Variants in KLRF1 observed in about 807,000 individuals in gnomAD.
KLRF1 encodes the protein killer cell lectin like receptor F1, also known as killer cell lectin-like receptor subfamily F member 1.
A neutral mutation model predicts 30.7 loss-of-function variants in KLRF1; 27 were observed. That is an observed-to-expected ratio of 0.88 (90% confidence interval 0.65 to 1.21). The LOEUF is 1.21. KLRF1 is among the 50% of genes most tolerant of loss of function. The probability of loss-of-function intolerance (pLI) is 0.00; values close to 1 mark genes in which losing one functional copy is unlikely to be tolerated. For synonymous variants in KLRF1, 92 were observed against 89.3 expected (o/e 1.03, Z -0.17); for missense variants, 246 against 259.3 (o/e 0.95, Z 0.35).
intron 1 of KLRF1, among the ~76,000 whole-genome samples, chr12:9,828,292 G>A (rs1046074273): frequency 1.3e-5 from 2 of 152,144 alleles, no homozygotes; most frequent in East Asian, 3.9e-4. Flanking sequence ...TGTTGGCCAG[G>A]CTGGTCTTGA....
chr12:9,842,564 T>C (rs924659014), intron 5 of KLRF1, 131 bp downstream of exon 5: 26 of 712,072 alleles, frequency 3.7e-5, no homozygotes, highest in Non-Finnish European at 5.4e-5. Flanking sequence ...TAATTTAGTA[T>C]TTACAGGAGT....
chr12:9,828,079 A>G (rs1262728724), intron 1 of KLRF1, among the ~76,000 whole-genome samples: 3 of 150,934 alleles, frequency 2.0e-5, no homozygotes, highest in Non-Finnish European at 4.4e-5. Context: ...TGGTGTTTTA[A>G]TGCTATTTTT....
At chr12:9,812,944 G>C in the KLRF1 span, among the ~76,000 whole-genome samples, 1 of 152,114 alleles carries the variant, frequency 6.6e-6, no homozygotes, top group African/African-American at 2.4e-5. Context: ...TCAAATGCTT[G>C]TACACTTGGA....
chr12:9,809,627 C>T, the KLRF1 span, among the ~76,000 whole-genome samples: 1 of 151,964 alleles, frequency 6.6e-6, no homozygotes, highest in Non-Finnish European at 1.5e-5. Context: ...GAATTGATAC[C>T]AATTCTTGAA....
chr12:9,801,031 TG>T, the KLRF1 span, among the ~76,000 whole-genome samples: 1 of 151,994 alleles, frequency 6.6e-6, no homozygotes, highest in East Asian at 1.9e-4. Flanking sequence ...TAGTGTGTGT[TG>T]TTCCCCTCCC....
chr12:9,838,447 G>C (rs766349332), intron 3 of KLRF1, among the ~76,000 whole-genome samples: 34 of 151,998 alleles, frequency 2.2e-4, no homozygotes, highest in Admixed American at 3.9e-4. Flanking sequence ...CTTTCATCCC[G>C]GTTGTCCCCC....
chr12:9,801,378 G>A, the KLRF1 span, among the ~76,000 whole-genome samples: 1 of 151,926 alleles, frequency 6.6e-6, no homozygotes, highest in African/African-American at 2.4e-5. Flanking sequence ...TGGGATTGCT[G>A]GGTCAAATGG....
At chr12:9,817,558 G>A in the KLRF1 span, 1 of 340,368 alleles carries the variant, frequency 2.9e-6, no homozygotes, top group Admixed American at 4.1e-5. Context: ...TTGCGCTTAT[G>A]AGTCCTAGTC....
At chr12:9,825,788 T>A (rs918025447), upstream of KLRF1, among the ~76,000 whole-genome samples, 1 of 152,198 alleles carries the variant, frequency 6.6e-6, no homozygotes, top group Non-Finnish European at 1.5e-5. Flanking sequence ...AGGTCTAATA[T>A]CCAGCATCTG....
At chr12:9,827,453 TTA>T (rs1867305586), upstream of KLRF1, 1 of 638,206 alleles carries the variant, frequency 1.6e-6, no homozygotes, top group Non-Finnish European at 2.7e-6. Flanking sequence ...GCATCTCTGA[TTA>T]GCAGCAGATT....
At chr12:9,800,425 T>C in the KLRF1 span, among the ~76,000 whole-genome samples, 1 of 152,080 alleles carries the variant, frequency 6.6e-6, no homozygotes, top group Non-Finnish European at 1.5e-5. Context: ...AGTAGTGCAC[T>C]CTTTACCCAA....
At chr12:9,840,218 C>T (rs1185978264) in intron 3 of KLRF1, among the ~76,000 whole-genome samples, 1 of 151,998 alleles carries the variant, frequency 6.6e-6, no homozygotes, top group African/African-American at 2.4e-5. Flanking sequence ...TGAATAGTGA[C>T]TACTTAGTGT....
chr12:9,827,957 G>T (rs973613071), intron 1 of KLRF1, among the ~76,000 whole-genome samples: 2 of 152,016 alleles, frequency 1.3e-5, no homozygotes, highest in Admixed American at 6.6e-5. Context: ...TATTTTGTCT[G>T]ATATAATTTC....
chr12:9,831,236 AAAT>A (rs951460386), intron 1 of KLRF1, among the ~76,000 whole-genome samples: 3 of 152,138 alleles, frequency 2.0e-5, no homozygotes, highest in Non-Finnish European at 4.4e-5. Context: ...AAAAATTCAA[AAAT>A]AATCTCAGAA....
the KLRF1 span, among the ~76,000 whole-genome samples, chr12:9,803,947 G>C: frequency 6.6e-6 from 1 of 151,932 alleles, no homozygotes; most frequent in Non-Finnish European, 1.5e-5. Flanking sequence ...ATAAACCTTA[G>C]AATAACTTTG....
chr12:9,800,095 G>T, the KLRF1 span, among the ~76,000 whole-genome samples: 1 of 152,036 alleles, frequency 6.6e-6, no homozygotes, highest in Non-Finnish European at 1.5e-5. Context: ...GACTCATTTG[G>T]ATAAAGACCA....
the KLRF1 span, among the ~76,000 whole-genome samples, chr12:9,821,906 C>G: frequency 1.3e-5 from 2 of 152,260 alleles, no homozygotes; most frequent in African/African-American, 4.8e-5. Context: ...CAAACTACTT[C>G]ACTAACATAC....
intron 3 of KLRF1, 88 bp from the exon 4 acceptor site, chr12:9,841,724 A>G (rs1277975845): frequency 1.3e-5 from 12 of 950,662 alleles, no homozygotes; most frequent in Non-Finnish European, 1.8e-5. Flanking sequence ...ACTCTTATTT[A>G]TACAACATGT....
chr12:9,825,364 A>G (rs1428032471), upstream of KLRF1, among the ~76,000 whole-genome samples: 2 of 152,186 alleles, frequency 1.3e-5, no homozygotes, highest in East Asian at 3.9e-4. Context: ...CTGCACAACT[A>G]CACCCATCTG....
Sources: allele counts gnomAD v4.1 joint callset (sites outside exome capture counted in the v4.1 genomes callset), GRCh38; gene constraint gnomAD v4.1.1; transcripts MANE v1.5; gene names NCBI Gene and HGNC (gene_info 2026-07-23, HGNC 2026-07-21).